The following AOX1 variants were observed in gnomAD, a reference collection of about 807,000 sequenced individuals.
The protein encoded by AOX1 is aldehyde oxidase 1.
Under a neutral mutation model 169.5 loss-of-function variants are expected in AOX1, and 153 were observed. The observed-to-expected ratio is 0.90, with a 90% CI of 0.79 to 1.03. AOX1 has a LOEUF of 1.03. AOX1 is among the 50% of genes least tolerant of loss of function. The probability of loss-of-function intolerance (pLI) is 0.00; values close to 1 mark genes in which losing one functional copy is unlikely to be tolerated. For synonymous variants in AOX1, 562 were observed against 581.9 expected (o/e 0.97, Z 0.49); for missense variants, 1,656 against 1,663.9 (o/e 1.00, Z 0.08).
At chr2:200,636,117 CTTTTTTTTTTTTTTTTT>C (rs765127387) in intron 21 of AOX1, among the ~76,000 whole-genome samples, 1 of 53,954 alleles carries the variant, frequency 1.9e-5, no homozygotes, top group South Asian at 9.4e-4. Flanking sequence ...GTGAGAAGTG[CTTTTTTTTTTTTTTTTT>C]TTTTTTTTTT....
chr2:200,603,881 C>T (rs886292382), intron 7 of AOX1, 136 bp from the exon 8 acceptor site: 7 of 628,526 alleles, frequency 1.1e-5, no homozygotes, highest in East Asian at 8.5e-5. Flanking sequence ...GTTTGGAGCG[C>T]GGGGATTGTG....
intron 18 of AOX1, among the ~76,000 whole-genome samples, chr2:200,623,197 C>G (rs975108730): frequency 1.3e-5 from 2 of 152,318 alleles, no homozygotes; most frequent in African/African-American, 4.8e-5. Context: ...ACTGTTTTTA[C>G]CTTTCTCAAG....
chr2:200,619,407 T>A (rs1450853998), intron 16 of AOX1, among the ~76,000 whole-genome samples: 3 of 152,186 alleles, frequency 2.0e-5, no homozygotes, highest in Non-Finnish European at 4.4e-5. Flanking sequence ...TCTGGGAGTC[T>A]GGCCTCAGTC....
chr2:200,665,145 G>A (rs2035901809), intron 31 of AOX1, among the ~76,000 whole-genome samples: 1 of 152,240 alleles, frequency 6.6e-6, no homozygotes, highest in Non-Finnish European at 1.5e-5. Flanking sequence ...CCTCCAGAGA[G>A]ACCAGCCCAA....
chr2:200,657,165 A>AAAAAAAAAAAAAAATAT (rs1179205121), intron 27 of AOX1, among the ~76,000 whole-genome samples: 1 of 88,408 alleles, frequency 1.1e-5, no homozygotes, highest in African/African-American at 5.2e-5. Context: ...CTCTACCAAA[A>AAAAAAAAAAAAAAATAT]ATATATATAT....
chr2:200,638,724 A>T (rs2035291978), intron 23 of AOX1, among the ~76,000 whole-genome samples: 3 of 152,230 alleles, frequency 2.0e-5, no homozygotes. Context: ...TATCAAGGAT[A>T]TTTTTGTAAA....
At chr2:200,636,116 G>A (rs964160529) in intron 21 of AOX1, among the ~76,000 whole-genome samples, 3 of 97,804 alleles carry the variant, frequency 3.1e-5, no homozygotes, top group Admixed American at 1.2e-4. Flanking sequence ...AGTGAGAAGT[G>A]CTTTTTTTTT....
chr2:200,674,875 G>A (rs2036074828), downstream of AOX1, among the ~76,000 whole-genome samples: 1 of 152,192 alleles, frequency 6.6e-6, no homozygotes, highest in Non-Finnish European at 1.5e-5. Flanking sequence ...TCTGGGTAGA[G>A]GTTTGCCTTT....
intron 1 of AOX1, among the ~76,000 whole-genome samples, chr2:200,587,545 A>T (rs1233471941): frequency 6.6e-6 from 1 of 152,092 alleles, no homozygotes; most frequent in African/African-American, 2.4e-5. Flanking sequence ...TATGTTTCTT[A>T]AAGAGGATCC....
At chr2:200,662,742 A>G (rs1360070337) in intron 30 of AOX1, 113 bp from the exon 31 acceptor site, 1 of 758,964 alleles carries the variant, frequency 1.3e-6, no homozygotes, top group Non-Finnish European at 2.3e-6. Context: ...TGGCACATAC[A>G]TTAGGTACAG....
At chr2:200,661,266 T>C (rs1386539553) in intron 29 of AOX1, among the ~76,000 whole-genome samples, 1 of 152,240 alleles carries the variant, frequency 6.6e-6, no homozygotes, top group African/African-American at 2.4e-5. Flanking sequence ...TTTTCTAAAA[T>C]GTCCCATCTT....
In AOX1 at chr2:200,612,552, C is replaced by G; in HGVS notation, c.1264-57C>G. The G allele has an allele frequency of 3.8e-6, 6 of 1,561,288 alleles. No individual in the cohort carries two copies. The South Asian group carries it at 7.1e-5, about 18-fold the overall frequency. ...GTGATACTCAAGACACACAGACTGCCCAGTGCATAGGTGATGCTCAGTGTT... is the reference window on the plus strand; with the variant it reads ...GTGATACTCAAGACACACAGACTGCGCAGTGCATAGGTGATGCTCAGTGTT... On this transcript the variant is annotated intron_variant, in intron 13 of 34. Transcript: ENST00000374700.
At chr2:200,676,614 A>AAGAAGAAG (rs1285776348) in intron 4 of AOX1, among the ~76,000 whole-genome samples, 1 of 148,462 alleles carries the variant, frequency 6.7e-6, no homozygotes. Flanking sequence ...AAAAAAAAAA[A>AAGAAGAAG]AAGAAGAAGA....
Position 200,605,774 on chromosome 2 carries a change from A to C in AOX1, c.907+146A>C, listed in dbSNP as rs764683469. The C allele has an allele frequency of 4.0e-4, 170 of 426,534 alleles. 2 individuals are homozygous for C. The highest frequency in any genetic ancestry group is 1.9e-3 in the Middle Eastern group (4 of 2,082). 26.4% of individuals were successfully genotyped at this position (426,534 alleles called of 1,614,324 possible). On this transcript the variant is annotated intron_variant, in intron 10 of 34. Transcript: ENST00000374700. ...TATAAGAATGATATGTTTGTTGGCC[A>C]CATAAATGTCTTCTTTTGAGGAGTG...
chr2:200,669,611 G>A lies in AOX1; in HGVS notation c.3835G>A (p.Val1279Met), dbSNP rs777157791. Residue 1279 changes from valine to methionine, a missense_variant, in exon 34 of 35, where the codon GTG becomes ATG. Transcript: ENST00000374700. ...GESGVFLGCS[V>M]FFAIHDAVSA... The stretch of plus-strand genomic sequence containing the variant: ...GTCGGGGGTGTTCCTGGGGTGTTCC[G>A]TGTTTTTCGCTATCCATGACGCAGT... 22 of 1,613,980 alleles carry A rather than the reference G, an allele frequency of 1.4e-5. No homozygotes were observed. The highest frequency in any genetic ancestry group is 1.8e-5 in the Non-Finnish European group (21 of 1,179,994).
At chr2:200,617,829 C>T (rs1376058880) in intron 16 of AOX1, among the ~76,000 whole-genome samples, 2 of 152,142 alleles carry the variant, frequency 1.3e-5, no homozygotes, top group Non-Finnish European at 2.9e-5. Context: ...AGCAGCATCA[C>T]AGCTCAGCAC....
At chr2:200,638,342 G>T (rs982609011) in intron 23 of AOX1, 40 bp downstream of exon 23, 3 of 1,544,038 alleles carry the variant, frequency 1.9e-6, no homozygotes, top group Non-Finnish European at 2.7e-6. Context: ...TTATGTTGTA[G>T]ATACAACATC....
chr2:200,614,436 C>T lies in AOX1; in HGVS notation c.1611+470C>T, dbSNP rs767588736. On this transcript the variant is annotated intron_variant, in intron 15 of 34. Coordinates refer to ENST00000374700, the MANE Select transcript of AOX1 (RefSeq NM_001159.4). ...GAAATGCGTCATTGTAGGAAAAGGG[C>T]TTCATATGGTCCCTAGTGCTTCAGA... Among the ~76,000 whole-genome samples, 36 of 152,144 alleles carry T rather than the reference C, an allele frequency of 2.4e-4. 1 individual carries two copies. Among genetic ancestry groups the T allele is most frequent in the Admixed American group, 5.9e-4 (9 of 15,268 alleles).
intron 25 of AOX1, 43 bp from the exon 26 acceptor site, chr2:200,650,931 G>A (rs762065003): frequency 6.3e-7 from 1 of 1,582,006 alleles, no homozygotes; most frequent in Admixed American, 1.7e-5. Flanking sequence ...GCCTATGTCT[G>A]CTGGGTTTCC....
Sources: allele counts gnomAD v4.1 joint callset (sites outside exome capture counted in the v4.1 genomes callset), GRCh38; gene constraint gnomAD v4.1.1; transcripts MANE v1.5; gene names NCBI Gene and HGNC (gene_info 2026-07-23, HGNC 2026-07-21).